Variants in TMEM41B observed in about 807,000 individuals in gnomAD.
TMEM41B encodes transmembrane protein 41B, also known as protein stasimon.
A neutral mutation model predicts 31.9 loss-of-function variants in TMEM41B; 18 were observed. The ratio of observed to expected loss-of-function variants is 0.56; its 90% CI spans 0.39 to 0.84. The LOEUF (loss-of-function observed/expected upper bound fraction) is 0.84, where lower values mean the gene tolerates loss of function less well. Ranked by LOEUF, TMEM41B falls within the 40% of genes least tolerant of loss-of-function variation. The pLI is 0.00. For synonymous variants in TMEM41B, 144 were observed against 124.3 expected, an observed-to-expected ratio of 1.16 and a Z score of -1.05; for missense variants, 322 against 348.0, an observed-to-expected ratio of 0.93 and a Z score of 0.59.
chr11:9,309,114 A>T (rs1406379314), intron 1 of TMEM41B, among the ~76,000 whole-genome samples: 1 of 152,028 alleles, frequency 6.6e-6, no homozygotes, highest in Non-Finnish European at 1.5e-5. Context: ...GGGCGTGGTG[A>T]CGTGTGCCTG....
At chr11:9,299,462 A>G in intron 2 of TMEM41B, 122 bp downstream of exon 2, 1 of 669,312 alleles carries the variant, frequency 1.5e-6, no homozygotes, top group Non-Finnish European at 2.6e-6. Flanking sequence ...GACTCAACCA[A>G]TCCACCCACC....
chr11:9,306,683 C>G (rs111367872), intron 1 of TMEM41B, among the ~76,000 whole-genome samples: 2,821 of 146,386 alleles, frequency 0.019, 83 homozygotes, highest in African/African-American at 0.065. Context: ...GAGACTCCGT[C>G]TCAAAAAAAA....
chr11:9,307,999 G>A (rs1853443187), intron 1 of TMEM41B, among the ~76,000 whole-genome samples: 1 of 150,938 alleles, frequency 6.6e-6, no homozygotes, highest in Non-Finnish European at 1.5e-5. Context: ...GCCTCCCAAA[G>A]TGCTGGGATT....
intron 1 of TMEM41B, among the ~76,000 whole-genome samples, chr11:9,308,675 G>A (rs1229519536): frequency 2.6e-5 from 4 of 152,082 alleles, no homozygotes; most frequent in Non-Finnish European, 4.4e-5. Context: ...CATGTCATTG[G>A]GAAAACTGAT....
chr11:9,300,338 T>C (rs1468905705), intron 1 of TMEM41B, among the ~76,000 whole-genome samples: 1 of 152,198 alleles, frequency 6.6e-6, no homozygotes, highest in Non-Finnish European at 1.5e-5. Context: ...CATATTTCTA[T>C]ACTGGGAGCC....
At chr11:9,303,210 G>A (rs1277972855) in intron 1 of TMEM41B, among the ~76,000 whole-genome samples, 2 of 151,946 alleles carry the variant, frequency 1.3e-5, no homozygotes, top group African/African-American at 4.8e-5. Flanking sequence ...GTAGAGACGG[G>A]GTTTCACCAT....
intron 3 of TMEM41B, among the ~76,000 whole-genome samples, chr11:9,293,008 T>C (rs980208103): frequency 6.6e-6 from 1 of 152,200 alleles, no homozygotes; most frequent in African/African-American, 2.4e-5. Context: ...ATTTTGATTT[T>C]GTAATTATGT....
In TMEM41B at chr11:9,281,759, A is replaced by T. The variant is rs927215453; in HGVS notation, c.*1665T>A. 1.3e-5 allele frequency: 2 copies of T among 152,218 alleles called. No homozygotes were observed. Among genetic ancestry groups the T allele is most frequent in the Non-Finnish European group, 2.9e-5 (2 of 68,024 alleles). 9.4% of individuals were successfully genotyped at this position (152,218 alleles called of 1,614,324 possible). A position where few individuals can be genotyped will look rare whatever the true frequency, so the allele number is the denominator to read the frequency against. On this transcript the variant is annotated 3_prime_UTR_variant, in exon 7 of 7. Transcript: ENST00000528080. ...ACTTTGTGAGTTAGATAAAGTAAAGACTAAATTGGGAAACTGCAATAAGTA... is the reference window on the plus strand; with the variant it reads ...ACTTTGTGAGTTAGATAAAGTAAAGTCTAAATTGGGAAACTGCAATAAGTA...
chr11:9,296,921 T>G (rs559515454), intron 2 of TMEM41B, among the ~76,000 whole-genome samples: 5 of 152,118 alleles, frequency 3.3e-5, no homozygotes, highest in South Asian at 4.2e-4. Flanking sequence ...ATTTCTTTTT[T>G]TTTGTTTGTT....
chr11:9,284,406 C>A (rs1322452521), intron 6 of TMEM41B, among the ~76,000 whole-genome samples: 5 of 151,960 alleles, frequency 3.3e-5, no homozygotes, highest in Non-Finnish European at 7.4e-5. Flanking sequence ...CACGCCTCAG[C>A]CTCCCAAAGT....
At chr11:9,295,125 T>C (rs1005544949) in intron 3 of TMEM41B, 134 bp downstream of exon 3, 6 of 1,082,742 alleles carry the variant, frequency 5.5e-6, no homozygotes, top group Non-Finnish European at 7.3e-6. Flanking sequence ...CCATTTTAAT[T>C]TTTCAATTAT....
intron 6 of TMEM41B, among the ~76,000 whole-genome samples, chr11:9,285,623 C>G (rs1440364987): frequency 6.6e-6 from 1 of 152,118 alleles, no homozygotes; most frequent in Non-Finnish European, 1.5e-5. Context: ...ATTTCAAAAT[C>G]AAGTATTATT....
At position 9,282,744 on chromosome 11, in the gene TMEM41B, T is replaced by A. The variant is rs527272010; in HGVS notation, c.*680A>T. ...GTCAGGAGATCGAGACCATCCTGGC[T>A]AACACGGTGAAACCCCGTCTCTACT... On this transcript the variant is annotated 3_prime_UTR_variant, in exon 7 of 7. Transcript: ENST00000528080. The A allele has an allele frequency of 6.6e-6, 1 of 151,802 alleles. No individual in the cohort carries two copies. The highest frequency in any genetic ancestry group is 1.5e-5 in the Non-Finnish European group (1 of 67,950). 9.4% of individuals were successfully genotyped at this position (151,802 alleles called of 1,614,324 possible). A position where few individuals can be genotyped will look rare whatever the true frequency, so the allele number is the denominator to read the frequency against.
chr11:9,284,466 A>G (rs2133607335), intron 6 of TMEM41B, among the ~76,000 whole-genome samples: 1 of 152,072 alleles, frequency 6.6e-6, no homozygotes, highest in South Asian at 2.1e-4. Flanking sequence ...AAAAACCTTA[A>G]AAGAAAAAAA....
At chr11:9,309,476 G>C (rs1004491747) in intron 1 of TMEM41B, among the ~76,000 whole-genome samples, 3 of 151,362 alleles carry the variant, frequency 2.0e-5, no homozygotes, top group Admixed American at 1.3e-4. Context: ...TTGATATTCA[G>C]CTGCCAAGTC....
chr11:9,286,491 C>A lies in TMEM41B; in HGVS notation c.670G>T (p.Val224Leu). Residue 224 changes from valine to leucine, a missense_variant, in exon 6 of 7, where the codon GTG becomes TTG. Physicochemically the swap from Val to Leu is conservative, Grantham distance 32. This residue lies in a region of TMEM41B where 92 missense variants were observed against 88.0 expected (regional missense o/e 1.05). Transcript: ENST00000528080. ...CCAATAAAAAAAACTTTCAATGGCACGTTTATCACAGGAGATGTGATATTA... is the reference window on the plus strand; with the variant it reads ...CCAATAAAAAAAACTTTCAATGGCAAGTTTATCACAGGAGATGTGATATTA... ...FINITSPVIN[V>L]PLKVFFIGTF... 2 of 1,611,254 alleles carry A rather than the reference C, an allele frequency of 1.2e-6. No homozygotes were observed. The highest frequency in any genetic ancestry group is 1.7e-6 in the Non-Finnish European group (2 of 1,179,246).
At chr11:9,297,315 C>T (rs1853121431) in intron 2 of TMEM41B, among the ~76,000 whole-genome samples, 1 of 152,174 alleles carries the variant, frequency 6.6e-6, no homozygotes, top group Non-Finnish European at 1.5e-5. Context: ...AAACTCCTGA[C>T]CTCACGTGAT....
At chr11:9,286,363 T>C in intron 6 of TMEM41B, 92 bp downstream of exon 6, 1 of 1,309,266 alleles carries the variant, frequency 7.6e-7, no homozygotes, top group South Asian at 1.6e-5. Context: ...GCTGGCATAA[T>C]CTGCAGAGAG....
chr11:9,303,392 G>A (rs1853302473), intron 1 of TMEM41B, among the ~76,000 whole-genome samples: 1 of 151,986 alleles, frequency 6.6e-6, no homozygotes, highest in African/African-American at 2.4e-5. Context: ...TGCCCACCTC[G>A]GCCTACCAAA....
Sources: allele counts gnomAD v4.1 joint callset (sites outside exome capture counted in the v4.1 genomes callset), GRCh38; gene constraint gnomAD v4.1.1; regional missense constraint gnomAD v4.1.1; transcripts MANE v1.5; gene names NCBI Gene and HGNC (gene_info 2026-07-23, HGNC 2026-07-21).